The following RBFOX1 variants were observed in gnomAD, a reference collection of about 807,000 sequenced individuals.
RBFOX1 encodes RNA binding fox-1 homolog 1.
In RBFOX1, 8 loss-of-function variants were observed where a neutral mutation model predicts 57.7. The ratio of observed to expected loss-of-function variants is 0.14; its 90% CI spans 0.08 to 0.25. The LOEUF is 0.25. Among genes scored for constraint, RBFOX1 ranks in the 10% least tolerant of loss-of-function variants. The pLI is 1.00. For missense variants in RBFOX1, 611 were observed against 548.5 expected, an observed-to-expected ratio of 1.11 and a Z score of -1.14; for synonymous variants, 326 against 222.4, an observed-to-expected ratio of 1.47 and a Z score of -4.15.
At chr16:7,660,598 C>T (rs1370429580) in intron 12 of RBFOX1, among the ~76,000 whole-genome samples, 1 of 152,196 alleles carries the variant, frequency 6.6e-6, no homozygotes, top group East Asian at 1.9e-4. Context: ...ACCTAGGAGG[C>T]TGACCTTCAG....
Position 6,906,123 on chromosome 16 carries a change from T to C in RBFOX1, c.-15-145934T>C, listed in dbSNP as rs559315763. The stretch of plus-strand genomic sequence containing the variant: ...CTTTATCATTAAAAAAAAATTATAA[T>C]GCCTCACTTAGGGCTGCAAACAGTG... On this transcript the variant is annotated intron_variant, in intron 3 of 15. Transcript: ENST00000550418. Among the ~76,000 whole-genome samples the C allele has an allele frequency of 3.3e-5, 5 of 152,212 alleles. No individual in the cohort carries two copies. In the East Asian group the frequency reaches 7.7e-4, roughly 24 times the overall value.
chr16:7,683,341 G>A (rs192140565), intron 14 of RBFOX1, among the ~76,000 whole-genome samples: 1 of 151,558 alleles, frequency 6.6e-6, no homozygotes. Context: ...CAGACAGACA[G>A]ACACACACAC....
intron 3 of RBFOX1, among the ~76,000 whole-genome samples, chr16:5,732,379 A>G (rs1597015168): frequency 6.6e-6 from 1 of 152,366 alleles, no homozygotes; most frequent in South Asian, 2.1e-4. Flanking sequence ...TTCTCAGCCC[A>G]GAAGGCTCAA....
intron 1 of RBFOX1, among the ~76,000 whole-genome samples, chr16:5,241,281 A>T (rs2062160932): frequency 6.6e-6 from 1 of 152,186 alleles, no homozygotes; most frequent in Non-Finnish European, 1.5e-5. Context: ...CACCGAACTC[A>T]GGTGAATTTT....
chr16:5,527,589 G>A (rs545084911), intron 2 of RBFOX1, among the ~76,000 whole-genome samples: 6 of 152,258 alleles, frequency 3.9e-5, no homozygotes, highest in Middle Eastern at 6.8e-3. Context: ...CTGGTGATGC[G>A]TCTAATTAAC....
At chr16:5,287,165 C>T (rs2063415804) in intron 1 of RBFOX1, among the ~76,000 whole-genome samples, 1 of 152,008 alleles carries the variant, frequency 6.6e-6, no homozygotes, top group African/African-American at 2.4e-5. Context: ...ATTAGCTAAG[C>T]ATGGTGGCTC....
chr16:5,450,610 G>A (rs2068393594), intron 1 of RBFOX1, among the ~76,000 whole-genome samples: 1 of 152,118 alleles, frequency 6.6e-6, no homozygotes, highest in Non-Finnish European at 1.5e-5. Context: ...TTATGCAAAT[G>A]GCTCCACAGG....
intron 4 of RBFOX1, among the ~76,000 whole-genome samples, chr16:7,284,369 A>G (rs747235239): frequency 5.3e-5 from 8 of 152,168 alleles, no homozygotes; most frequent in Non-Finnish European, 1.0e-4. Context: ...CCTGCTCTGT[A>G]TCCCAGGCTG....
At chr16:7,019,894 C>T (rs974577628) in intron 3 of RBFOX1, among the ~76,000 whole-genome samples, 4 of 152,186 alleles carry the variant, frequency 2.6e-5, no homozygotes, top group Non-Finnish European at 5.9e-5. Context: ...TGTGTTCCAA[C>T]TAAACCCTGC....
chr16:5,633,897 A>G (rs1441113299), intron 3 of RBFOX1, among the ~76,000 whole-genome samples: 1 of 152,036 alleles, frequency 6.6e-6, no homozygotes, highest in Non-Finnish European at 1.5e-5. Context: ...GACAGTTCTC[A>G]AAAGAAGATA....
intron 3 of RBFOX1, among the ~76,000 whole-genome samples, chr16:5,699,701 A>G (rs530693257): frequency 2.6e-5 from 4 of 152,196 alleles, no homozygotes; most frequent in Non-Finnish European, 5.9e-5. Flanking sequence ...ATTGCATCCT[A>G]CAATGCACAG....
At chr16:6,973,674 T>C (rs988672391) in intron 3 of RBFOX1, among the ~76,000 whole-genome samples, 4 of 152,188 alleles carry the variant, frequency 2.6e-5, no homozygotes, top group Non-Finnish European at 4.4e-5. Context: ...ATAAACCCAT[T>C]TGGGATTTTT....
At chr16:7,434,335 A>T (rs570809354) in intron 4 of RBFOX1, among the ~76,000 whole-genome samples, 1 of 152,148 alleles carries the variant, frequency 6.6e-6, no homozygotes, top group Admixed American at 6.5e-5. Flanking sequence ...AGCTGGGCAC[A>T]GTGGCGGGCG....
At chr16:6,329,709 A>T (rs1323077131) in intron 2 of RBFOX1, among the ~76,000 whole-genome samples, 1 of 152,194 alleles carries the variant, frequency 6.6e-6, no homozygotes, top group African/African-American at 2.4e-5. Flanking sequence ...AAACGGGTGG[A>T]TCATTTGAGG....
intron 2 of RBFOX1, among the ~76,000 whole-genome samples, chr16:6,383,499 A>T (rs1326122131): frequency 2.0e-5 from 3 of 152,164 alleles, no homozygotes; most frequent in Non-Finnish European, 4.4e-5. Context: ...ACAGGGCTGG[A>T]CACAGTGGCT....
intron 12 of RBFOX1, among the ~76,000 whole-genome samples, chr16:7,658,460 C>G (rs1421505791): frequency 6.6e-6 from 1 of 152,098 alleles, no homozygotes; most frequent in Non-Finnish European, 1.5e-5. Flanking sequence ...ACTGAGAAGC[C>G]ACAATGCCCA....
chr16:7,611,414 TA>T (rs1440946968), intron 10 of RBFOX1, among the ~76,000 whole-genome samples: 2 of 152,100 alleles, frequency 1.3e-5, no homozygotes, highest in Non-Finnish European at 2.9e-5. Flanking sequence ...CTGTTTCTAC[TA>T]AAAATACAAA....
intron 5 of RBFOX1, among the ~76,000 whole-genome samples, chr16:7,529,226 A>C (rs1166619871): frequency 1.3e-5 from 2 of 152,152 alleles, no homozygotes; most frequent in African/African-American, 2.4e-5. Context: ...ATGCCACCAC[A>C]CTCCACCCTG....
chr16:6,667,299 G>A (rs990378070), intron 3 of RBFOX1, among the ~76,000 whole-genome samples: 7 of 152,048 alleles, frequency 4.6e-5, no homozygotes, highest in Admixed American at 1.3e-4. Flanking sequence ...GAGGTAGATC[G>A]GGCTATTGGT....
Sources: allele counts gnomAD v4.1 joint callset (sites outside exome capture counted in the v4.1 genomes callset), GRCh38; gene constraint gnomAD v4.1.1; transcripts MANE v1.5; gene names NCBI Gene and HGNC (gene_info 2026-07-23, HGNC 2026-07-21).